The following TBC1D32 variants were observed in gnomAD, a reference collection of about 807,000 sequenced individuals.
TBC1D32 encodes TBC1 domain family member 32.
In TBC1D32, 151 loss-of-function variants were observed where a neutral mutation model predicts 170.3. The ratio of observed to expected loss-of-function variants is 0.89; its 90% CI spans 0.78 to 1.01. The LOEUF is 1.01. Among genes scored for constraint, TBC1D32 ranks in the 50% least tolerant of loss-of-function variants. TBC1D32 has a pLI of 0.00. For missense variants in TBC1D32, 1,464 were observed against 1,457.1 expected (o/e 1.00, Z -0.08); for synonymous variants, 498 against 488.0 (o/e 1.02, Z -0.27).
intron 15 of TBC1D32, among the ~76,000 whole-genome samples, chr6:121,264,343 C>A (rs1800167749): frequency 6.6e-6 from 1 of 152,046 alleles, no homozygotes; most frequent in Non-Finnish European, 1.5e-5. Flanking sequence ...GGTTAAATTC[C>A]TGGACACATA....
At chr6:121,082,926 A>G (rs1399930446) in intron 31 of TBC1D32, among the ~76,000 whole-genome samples, 2 of 152,042 alleles carry the variant, frequency 1.3e-5, no homozygotes, top group African/African-American at 4.8e-5. Context: ...GTGTTTTCAA[A>G]TGATATAGTT....
intron 30 of TBC1D32, among the ~76,000 whole-genome samples, chr6:121,101,801 C>G (rs1406144488): frequency 6.6e-6 from 1 of 151,974 alleles, no homozygotes; most frequent in Non-Finnish European, 1.5e-5. Context: ...TCAAATTGTC[C>G]CTGTTTGCAG....
At chr6:121,333,353 T>A (rs1389792480) in intron 1 of TBC1D32, among the ~76,000 whole-genome samples, 1 of 152,192 alleles carries the variant, frequency 6.6e-6, no homozygotes, top group Non-Finnish European at 1.5e-5. Context: ...CTACCTCAAA[T>A]GGCACTTCTA....
At chr6:121,193,168 G>C (rs889882027) in intron 22 of TBC1D32, among the ~76,000 whole-genome samples, 4 of 152,200 alleles carry the variant, frequency 2.6e-5, no homozygotes, top group African/African-American at 9.6e-5. Context: ...TGAATTTATT[G>C]ATTTAGGTCC....
chr6:121,270,148 C>A (rs1801155680), intron 15 of TBC1D32, among the ~76,000 whole-genome samples: 1 of 151,906 alleles, frequency 6.6e-6, no homozygotes, highest in African/African-American at 2.4e-5. Flanking sequence ...TAAATGCCCA[C>A]AAGAGAAAGC....
intron 3 of TBC1D32, among the ~76,000 whole-genome samples, chr6:121,316,443 CT>C (rs1304193611): frequency 1.4e-4 from 22 of 152,076 alleles, no homozygotes; most frequent in Admixed American, 1.4e-3. Flanking sequence ...AGCCATCTGA[CT>C]GTATTAAACT....
At chr6:121,153,440 T>C (rs946049170) in intron 24 of TBC1D32, among the ~76,000 whole-genome samples, 1 of 152,152 alleles carries the variant, frequency 6.6e-6, no homozygotes, top group African/African-American at 2.4e-5. Flanking sequence ...AACCCTGCTG[T>C]GAGGTTTCTC....
At chr6:121,259,859 T>C (rs1393312922) in intron 15 of TBC1D32, among the ~76,000 whole-genome samples, 1 of 152,054 alleles carries the variant, frequency 6.6e-6, no homozygotes, top group Non-Finnish European at 1.5e-5. Flanking sequence ...GACCTCCAGA[T>C]TCCCCCCAAC....
intron 24 of TBC1D32, among the ~76,000 whole-genome samples, chr6:121,156,273 C>T (rs1458387958): frequency 2.0e-5 from 3 of 151,754 alleles, no homozygotes; most frequent in African/African-American, 7.2e-5. Context: ...TATCAATATC[C>T]TATAGACTTT....
intron 31 of TBC1D32, among the ~76,000 whole-genome samples, chr6:121,087,237 G>A (rs1334858269): frequency 1.3e-5 from 2 of 152,172 alleles, no homozygotes; most frequent in Non-Finnish European, 2.9e-5. Flanking sequence ...GGTCTAATCT[G>A]AAGAGGAAAA....
intron 24 of TBC1D32, among the ~76,000 whole-genome samples, chr6:121,153,565 C>T (rs4027128): frequency 0.66 from 100,526 of 152,054 alleles, 38,430 homozygotes; most frequent in Non-Finnish European, 0.86. Flanking sequence ...CAAGCAGGAA[C>T]GTTTAAGTCT....
chr6:121,286,604 C>A (rs1396024393), intron 12 of TBC1D32, among the ~76,000 whole-genome samples: 2 of 152,062 alleles, frequency 1.3e-5, no homozygotes, highest in African/African-American at 4.8e-5. Flanking sequence ...GAGAACTTCC[C>A]CAACCTAGCA....
intron 22 of TBC1D32, among the ~76,000 whole-genome samples, chr6:121,178,324 T>A (rs1296248517): frequency 6.6e-6 from 1 of 152,028 alleles, no homozygotes; most frequent in South Asian, 2.1e-4. Flanking sequence ...TATGGTGACA[T>A]GAGAAATCAC....
intron 29 of TBC1D32, among the ~76,000 whole-genome samples, chr6:121,111,817 C>A (rs1189454056): frequency 6.6e-6 from 1 of 152,064 alleles, no homozygotes; most frequent in Non-Finnish European, 1.5e-5. Flanking sequence ...CTTAGTTTAT[C>A]CTTGACTGTC....
At chr6:121,258,979 T>TAA (rs201878489) in intron 15 of TBC1D32, among the ~76,000 whole-genome samples, 4 of 144,852 alleles carry the variant, frequency 2.8e-5, no homozygotes, top group Admixed American at 6.9e-5. Flanking sequence ...TCTTTAATAT[T>TAA]AAAAAAAAAA....
chr6:121,255,253 T>C, intron 17 of TBC1D32, 75 bp downstream of exon 17: 1 of 879,424 alleles, frequency 1.1e-6, no homozygotes, highest in Non-Finnish European at 1.7e-6. Flanking sequence ...GCCATAGTAT[T>C]CTATTACATT....
intron 22 of TBC1D32, among the ~76,000 whole-genome samples, chr6:121,168,928 C>T (rs1379550944): frequency 6.6e-6 from 1 of 151,942 alleles, no homozygotes; most frequent in African/African-American, 2.4e-5. Context: ...ATGATACAAA[C>T]AAATGGAAAA....
At chr6:121,278,556 T>C (rs1282795133) in intron 15 of TBC1D32, among the ~76,000 whole-genome samples, 1 of 152,068 alleles carries the variant, frequency 6.6e-6, no homozygotes, top group Non-Finnish European at 1.5e-5. Context: ...AAGAGGGAAA[T>C]GTTTGAATAA....
chr6:121,260,677 C>T (rs1433686191), intron 15 of TBC1D32, among the ~76,000 whole-genome samples: 2 of 152,192 alleles, frequency 1.3e-5, no homozygotes, highest in Admixed American at 6.5e-5. Context: ...GGTGAGCCCA[C>T]GCCACTGAGG....
Sources: allele counts gnomAD v4.1 joint callset (sites outside exome capture counted in the v4.1 genomes callset), GRCh38; gene constraint gnomAD v4.1.1; transcripts MANE v1.5; gene names NCBI Gene and HGNC (gene_info 2026-07-23, HGNC 2026-07-21).